Variants in CNTN4 observed in about 807,000 individuals in gnomAD.
CNTN4 encodes contactin-4.
In CNTN4, 77 loss-of-function variants were observed where a neutral mutation model predicts 122.5. The observed-to-expected ratio is 0.63, with a 90% CI of 0.52 to 0.76. CNTN4 has a LOEUF of 0.76. Ranked by LOEUF, CNTN4 falls within the 30% of genes least tolerant of loss-of-function variation. The probability of loss-of-function intolerance (pLI) is 0.00; values close to 1 mark genes in which losing one functional copy is unlikely to be tolerated. For missense variants in CNTN4, 1,256 were observed against 1,259.1 expected (o/e 1.00, Z 0.04); for synonymous variants, 512 against 447.0 (o/e 1.15, Z -1.83).
chr3:2,240,391 C>G (rs2039884159), intron 2 of CNTN4, among the ~76,000 whole-genome samples: 1 of 151,938 alleles, frequency 6.6e-6, no homozygotes, highest in Non-Finnish European at 1.5e-5. Context: ...TCCTTTTGTT[C>G]CTGTTTATGT....
intron 4 of CNTN4, among the ~76,000 whole-genome samples, chr3:2,702,316 G>T (rs2086400918): frequency 6.6e-6 from 1 of 152,198 alleles, no homozygotes; most frequent in Non-Finnish European, 1.5e-5. Flanking sequence ...TGGGAATACA[G>T]GCACATGTAG....
At position 2,627,576 on chromosome 3, in the gene CNTN4, C is replaced by T. The variant is rs527856958; in HGVS notation, c.55+56018C>T. Among the ~76,000 whole-genome samples the T allele has an allele frequency of 3.3e-5, 5 of 150,066 alleles. No homozygotes were observed. In the South Asian group the frequency reaches 6.3e-4, roughly 19 times the overall value. On this transcript the variant is annotated intron_variant, in intron 4 of 24. Transcript: ENST00000418658. Reference sequence around the variant, plus strand: ...TAGCGCAATCTCGGCTCACTGCAAGCTCCGCCTCCTGGGTTCAGGCCATTC... The same window carrying T: ...TAGCGCAATCTCGGCTCACTGCAAGTTCCGCCTCCTGGGTTCAGGCCATTC...
intron 3 of CNTN4, among the ~76,000 whole-genome samples, chr3:2,446,718 A>G (rs568245032): frequency 3.3e-5 from 5 of 152,296 alleles, no homozygotes; most frequent in South Asian, 2.1e-4. Context: ...GCATCAGCAT[A>G]TGTTCTACTT....
chr3:2,334,103 A>G (rs1288493265), intron 2 of CNTN4, among the ~76,000 whole-genome samples: 1 of 152,244 alleles, frequency 6.6e-6, no homozygotes, highest in Non-Finnish European at 1.5e-5. Flanking sequence ...AATGTTAATA[A>G]TAACAAGTAT....
At chr3:2,283,268 A>C (rs926051722) in intron 2 of CNTN4, among the ~76,000 whole-genome samples, 1 of 152,166 alleles carries the variant, frequency 6.6e-6, no homozygotes, top group African/African-American at 2.4e-5. Flanking sequence ...TGTAAGTCTC[A>C]ATTTCAGGGA....
intron 2 of CNTN4, among the ~76,000 whole-genome samples, chr3:2,329,081 C>T (rs547323571): frequency 1.2e-4 from 18 of 152,038 alleles, no homozygotes; most frequent in Admixed American, 2.6e-4. Context: ...TAAAAATTTT[C>T]ACAAATGGAA....
At chr3:2,744,554 T>C (rs2089651192) in intron 5 of CNTN4, among the ~76,000 whole-genome samples, 1 of 152,232 alleles carries the variant, frequency 6.6e-6, no homozygotes, top group Non-Finnish European at 1.5e-5. Flanking sequence ...CACAAACTCC[T>C]ACTATGCTAT....
chr3:2,753,146 A>G (rs1475722652), intron 6 of CNTN4, among the ~76,000 whole-genome samples: 1 of 152,136 alleles, frequency 6.6e-6, no homozygotes, highest in Non-Finnish European at 1.5e-5. Context: ...CAGTTGTGGA[A>G]TTGCTGGATC....
intron 4 of CNTN4, among the ~76,000 whole-genome samples, chr3:2,630,301 T>TG: frequency 6.6e-6 from 1 of 152,174 alleles, no homozygotes; most frequent in East Asian, 1.9e-4. Context: ...TAGCCAGGCA[T>TG]GGGGGTACAC....
intron 13 of CNTN4, among the ~76,000 whole-genome samples, chr3:2,943,981 T>C (rs2094645705): frequency 1.3e-5 from 2 of 152,092 alleles, no homozygotes; most frequent in Admixed American, 6.5e-5. Context: ...CTACAGATGT[T>C]TGTATTTGTA....
chr3:2,125,433 C>T (rs756220260), intron 2 of CNTN4, among the ~76,000 whole-genome samples: 3 of 150,578 alleles, frequency 2.0e-5, no homozygotes, highest in African/African-American at 7.3e-5. Context: ...TCTTGACTAC[C>T]GTGAATTAAG....
intron 7 of CNTN4, among the ~76,000 whole-genome samples, chr3:2,836,013 T>C (rs2093217645): frequency 6.6e-6 from 1 of 152,058 alleles, no homozygotes; most frequent in Non-Finnish European, 1.5e-5. Context: ...GAAATACAAA[T>C]AGGCAAAATG....
intron 19 of CNTN4, chr3:3,039,563 C>G (rs1410496655): frequency 5.1e-6 from 1 of 194,572 alleles, no homozygotes; most frequent in African/African-American, 2.4e-5. Flanking sequence ...TCTCATTTAC[C>G]CAAAGCACAG....
intron 8 of CNTN4, among the ~76,000 whole-genome samples, chr3:2,869,250 A>G (rs2093758383): frequency 6.6e-6 from 1 of 152,220 alleles, no homozygotes; most frequent in Admixed American, 6.5e-5. Context: ...ACGGACTTTC[A>G]GAAAACAATA....
At chr3:2,461,991 G>T (rs760159617) in intron 3 of CNTN4, among the ~76,000 whole-genome samples, 1 of 152,156 alleles carries the variant, frequency 6.6e-6, no homozygotes, top group Non-Finnish European at 1.5e-5. Flanking sequence ...GCAATGCCTG[G>T]AGACATTTTT....
At chr3:3,014,500 C>G (rs1697554542) in intron 14 of CNTN4, among the ~76,000 whole-genome samples, 1 of 151,802 alleles carries the variant, frequency 6.6e-6, no homozygotes, top group Non-Finnish European at 1.5e-5. Context: ...TCATAAAAAC[C>G]AAAAGGTGGA....
At chr3:2,607,859 C>T (rs2619556) in intron 4 of CNTN4, among the ~76,000 whole-genome samples, 136,433 of 152,184 alleles carry the variant, frequency 0.9, 61,350 homozygotes, top group East Asian at 0.99. Context: ...TTTTTCCATA[C>T]GATAGAAATA....
At chr3:2,383,820 CCT>C (rs2046127224) in intron 3 of CNTN4, among the ~76,000 whole-genome samples, 1 of 151,308 alleles carries the variant, frequency 6.6e-6, no homozygotes, top group African/African-American at 2.4e-5. Flanking sequence ...GTCTCCCTCT[CCT>C]CTCTCCCTAT....
At chr3:2,239,775 G>C (rs971115928) in intron 2 of CNTN4, among the ~76,000 whole-genome samples, 2 of 152,150 alleles carry the variant, frequency 1.3e-5, no homozygotes, top group South Asian at 2.1e-4. Context: ...CAATAAAAGG[G>C]TACAATTAAT....
Sources: allele counts gnomAD v4.1 joint callset (sites outside exome capture counted in the v4.1 genomes callset), GRCh38; gene constraint gnomAD v4.1.1; transcripts MANE v1.5; gene names NCBI Gene and HGNC (gene_info 2026-07-23, HGNC 2026-07-21).